Variants in CDH8 observed in about 807,000 individuals in gnomAD.
The protein encoded by CDH8 is cadherin-8.
Under a neutral mutation model 68.1 loss-of-function variants are expected in CDH8, and 17 were observed. The ratio of observed to expected loss-of-function variants is 0.25; its 90% CI spans 0.17 to 0.37. The LOEUF (loss-of-function observed/expected upper bound fraction) is 0.37, where lower values mean the gene tolerates loss of function less well. CDH8 is among the 10% of genes least tolerant of loss of function. The pLI, the probability that CDH8 is intolerant of heterozygous loss-of-function variation, is 1.00. For missense variants in CDH8, 763 were observed against 999.3 expected (o/e 0.76, Z 3.19); for synonymous variants, 372 against 365.1 (o/e 1.02, Z -0.21).
chr16:61,972,111 A>C (rs1450352455), intron 2 of CDH8, among the ~76,000 whole-genome samples: 1 of 152,150 alleles, frequency 6.6e-6, no homozygotes, highest in African/African-American at 2.4e-5. Context: ...TACTGTTCCC[A>C]TGGTAGTGAA....
intron 3 of CDH8, among the ~76,000 whole-genome samples, chr16:61,877,567 A>G (rs1193884198): frequency 6.6e-6 from 1 of 152,192 alleles, no homozygotes. Context: ...GAGTAGAGAC[A>G]TTGTGAGTCA....
intron 10 of CDH8, among the ~76,000 whole-genome samples, chr16:61,691,348 C>G (rs1453333970): frequency 2.7e-5 from 4 of 150,134 alleles, no homozygotes; most frequent in Non-Finnish European, 4.4e-5. Context: ...GGTTTGCATA[C>G]ATGTGCATTA....
At chr16:61,862,980 T>C (rs1008268165) in intron 3 of CDH8, among the ~76,000 whole-genome samples, 1 of 152,164 alleles carries the variant, frequency 6.6e-6, no homozygotes, top group Non-Finnish European at 1.5e-5. Context: ...AATTTGACAC[T>C]GTGCCATTTC....
At chr16:61,914,555 A>C (rs991168206) in intron 2 of CDH8, among the ~76,000 whole-genome samples, 2 of 152,092 alleles carry the variant, frequency 1.3e-5, no homozygotes, top group Non-Finnish European at 2.9e-5. Flanking sequence ...GAATCCTTAA[A>C]AGAAGTTTTT....
At chr16:61,775,819 G>T (rs957000327) in intron 8 of CDH8, among the ~76,000 whole-genome samples, 1 of 152,050 alleles carries the variant, frequency 6.6e-6, no homozygotes, top group African/African-American at 2.4e-5. Context: ...TGACCAGAAA[G>T]AGTACCAAAA....
At chr16:61,901,976 C>T (rs942614441) in intron 2 of CDH8, among the ~76,000 whole-genome samples, 10 of 150,680 alleles carry the variant, frequency 6.6e-5, no homozygotes, top group African/African-American at 2.5e-4. Flanking sequence ...TTATATTTGA[C>T]AGACTCAAGT....
chr16:61,823,409 T>A (rs902776309), intron 5 of CDH8, among the ~76,000 whole-genome samples: 2 of 151,882 alleles, frequency 1.3e-5, no homozygotes, highest in South Asian at 4.1e-4. Context: ...TTAGAAATAT[T>A]ATCATTTATC....
At chr16:61,859,996 A>C (rs192556031) in intron 3 of CDH8, among the ~76,000 whole-genome samples, 137 of 152,206 alleles carry the variant, frequency 9.0e-4, no homozygotes, top group Admixed American at 1.6e-3. Flanking sequence ...AGTGTGCTCC[A>C]CCATGCCCAG....
At position 61,653,754 on chromosome 16, in the gene CDH8, G is replaced by A. The variant is rs540418466; in HGVS notation, c.2254C>T (p.Arg752Ter). ...DSIQIYGYEG[R>*]GSVAGSLSSL... ...CTGAGGGAGCCAGCCACTGACCCTC[G>A]GCCTTCATAGCCATATATCTGAATG... is the stretch of plus-strand genomic sequence containing the variant. The change falls in exon 12 of 12, where the codon CGA becomes TGA. Residue 752 changes from arginine (R) to a stop codon, truncating the protein, a stop_gained. Transcript: ENST00000577390. LOFTEE classifies it high-confidence loss of function. 3.7e-6 allele frequency: 6 copies of A among 1,614,102 alleles called. No individual in the cohort carries two copies. The highest frequency in any genetic ancestry group is 1.1e-5 in the South Asian group (1 of 91,088).
chr16:61,913,179 T>C (rs1235657275), intron 2 of CDH8, among the ~76,000 whole-genome samples: 1 of 152,162 alleles, frequency 6.6e-6, no homozygotes, highest in Non-Finnish European at 1.5e-5. Flanking sequence ...AATTCATTTA[T>C]GTTTCATATA....
chr16:61,679,633 G>A (rs1470428589), intron 10 of CDH8, among the ~76,000 whole-genome samples: 1 of 151,972 alleles, frequency 6.6e-6, no homozygotes, highest in East Asian at 1.9e-4. Context: ...AAAATAAGAT[G>A]TAATTCAATA....
At chr16:61,936,652 T>C (rs999061390) in intron 2 of CDH8, among the ~76,000 whole-genome samples, 13 of 152,106 alleles carry the variant, frequency 8.5e-5, no homozygotes, top group Non-Finnish European at 1.9e-4. Flanking sequence ...CAAAAAAACC[T>C]GAAGTCTTCT....
rs149106485 is a variant in CDH8, at chr16:61,676,223, G to GA, written c.1655-20503dup. 6.5e-4 allele frequency among the ~76,000 whole-genome samples: 96 copies of GA among 147,878 alleles called. 1 individual carries two copies. The highest frequency in any genetic ancestry group is 2.2e-3 in the African/African-American group (90 of 40,604). On this transcript the variant is annotated intron_variant, in intron 10 of 11. Coordinates refer to ENST00000577390, the MANE Select transcript of CDH8 (RefSeq NM_001796.5). ...ATTTAACAAGTAAAATTGCAAAAAAGAAAAAAATATATATAAATATACAAC... is the reference window on the plus strand; with the variant it reads ...ATTTAACAAGTAAAATTGCAAAAAAGAAAAAAAATATATATAAATATACAAC...
intron 2 of CDH8, among the ~76,000 whole-genome samples, chr16:61,985,621 T>C (rs866875418): frequency 6.6e-5 from 10 of 152,090 alleles, no homozygotes; most frequent in Admixed American, 5.2e-4. Flanking sequence ...GCCTCCCAAG[T>C]AGCTGGGATT....
At chr16:62,031,070 T>C (rs1483222610) in intron 1 of CDH8, among the ~76,000 whole-genome samples, 3 of 152,200 alleles carry the variant, frequency 2.0e-5, no homozygotes, top group African/African-American at 7.2e-5. Context: ...GAGTCACCCA[T>C]GCAGCAACTC....
At chr16:61,797,013 AAT>A (rs1451913837) in intron 7 of CDH8, among the ~76,000 whole-genome samples, 3 of 152,238 alleles carry the variant, frequency 2.0e-5, no homozygotes, top group South Asian at 4.1e-4. Context: ...TCACCAGAGT[AAT>A]ATGTTTCCTC....
At chr16:61,660,636 A>C (rs1334501578) in intron 10 of CDH8, among the ~76,000 whole-genome samples, 1 of 152,084 alleles carries the variant, frequency 6.6e-6, no homozygotes, top group Admixed American at 6.6e-5. Context: ...TCATAAATAG[A>C]CACATCATAG....
chr16:61,743,413 C>T, intron 8 of CDH8: 2 of 156,714 alleles, frequency 1.3e-5, no homozygotes. Context: ...CCAGCCAGAT[C>T]AGCCAAATCA....
Position 61,792,270 on chromosome 16 carries a change from AT to A in CDH8, c.1278-2789del, listed in dbSNP as rs1416441848. 5.3e-5 allele frequency among the ~76,000 whole-genome samples: 8 copies of A among 152,110 alleles called. No homozygotes were observed. The East Asian group carries it at 1.5e-3, about 29-fold the overall frequency. On this transcript the variant is annotated intron_variant, in intron 7 of 11. Coordinates refer to ENST00000577390, the MANE Select transcript of CDH8 (RefSeq NM_001796.5). ...TCTATAAATACAGCCCTTTAGTGAG[AT>A]CAGAGGTAGGAATGTCATAATATTA...
Sources: allele counts gnomAD v4.1 joint callset (sites outside exome capture counted in the v4.1 genomes callset), GRCh38; gene constraint gnomAD v4.1.1; transcripts MANE v1.5; gene names NCBI Gene and HGNC (gene_info 2026-07-23, HGNC 2026-07-21).